USP3: variants seen among roughly 807,000 people sequenced by gnomAD.
The protein encoded by USP3 is ubiquitin carboxyl-terminal hydrolase 3.
Under a neutral mutation model 72.3 loss-of-function variants are expected in USP3, and 20 were observed. The observed-to-expected ratio is 0.28, with a 90% CI of 0.19 to 0.40. USP3 has a LOEUF of 0.40. USP3 is among the 10% of genes least tolerant of loss of function. The probability of loss-of-function intolerance (pLI) is 1.00; values close to 1 mark genes in which losing one functional copy is unlikely to be tolerated. For missense variants in USP3, 479 were observed against 633.9 expected (o/e 0.76, Z 2.62); for synonymous variants, 222 against 225.3 (o/e 0.99, Z 0.13).
intron 4 of USP3, among the ~76,000 whole-genome samples, chr15:63,555,653 C>T (rs928585880): frequency 5.9e-5 from 9 of 152,136 alleles, no homozygotes; most frequent in African/African-American, 2.2e-4. Flanking sequence ...TCATAAAGAG[C>T]ATATATACTA....
chr15:63,574,411 T>G lies in USP3; in HGVS notation c.1096+8T>G. 1 of 1,593,382 alleles carries G rather than the reference T, an allele frequency of 6.3e-7. No individual in the cohort carries two copies. The highest frequency in any genetic ancestry group is 8.5e-7 in the Non-Finnish European group (1 of 1,172,906). On this transcript the variant is annotated splice_region_variant and intron_variant, in intron 11 of 14. Transcript: ENST00000380324. This position sits in a 1 kb window ranked among gnomAD's most constrained non-coding sequence, Gnocchi z 4.6. Reference sequence around the variant, plus strand: ...CAGTTTGTTCGTTACGAGGTAAAGATACTTGAATGTTCTAAAAATTTTTTT... The same window carrying G: ...CAGTTTGTTCGTTACGAGGTAAAGAGACTTGAATGTTCTAAAAATTTTTTT...
At chr15:63,511,462 T>G (rs2065781434) in intron 1 of USP3, among the ~76,000 whole-genome samples, 2 of 152,116 alleles carry the variant, frequency 1.3e-5, no homozygotes, top group Non-Finnish European at 2.9e-5. Context: ...CCTCACCCAA[T>G]TTAATATTGA....
chr15:63,551,010 A>G (rs1412946632), intron 3 of USP3, among the ~76,000 whole-genome samples: 4 of 152,130 alleles, frequency 2.6e-5, no homozygotes, highest in African/African-American at 9.7e-5. Flanking sequence ...ATAAAGAAAA[A>G]AATAATCCAA....
chr15:63,553,446 A>G lies in USP3; in HGVS notation c.285-269A>G, dbSNP rs781095035. The G allele has an allele frequency of 3.7e-6, 1 of 273,228 alleles. No homozygotes were observed. Among genetic ancestry groups the G allele is most frequent in the African/African-American group, 2.2e-5 (1 of 45,102 alleles). The allele number at this position is 273,228 out of a possible 1,614,324, so 16.9% of individuals were successfully genotyped here. On this transcript the variant is annotated intron_variant, in intron 3 of 14. Coordinates refer to ENST00000380324, the MANE Select transcript of USP3 (RefSeq NM_006537.4). The surrounding 1 kb of genome is among the most constrained non-coding windows in gnomAD (Gnocchi z 4.2). ...CCACTAAAAAGAATGTAACACATGTAGCAGCTTATTTCATTTTCAAAGGAG... is the reference window on the plus strand; with the variant it reads ...CCACTAAAAAGAATGTAACACATGTGGCAGCTTATTTCATTTTCAAAGGAG...
intron 3 of USP3, among the ~76,000 whole-genome samples, chr15:63,547,898 C>CATAGAGAGAGGT (rs2066374618): frequency 1.5e-5 from 1 of 65,012 alleles, no homozygotes; most frequent in African/African-American, 5.8e-5. Context: ...GAGAGAGAGG[C>CATAGAGAGAGGT]ATAGAGAGAG....
In USP3 at chr15:63,534,859, A is replaced by G. The variant is rs140777117; in HGVS notation, c.152+2152A>G. Among the ~76,000 whole-genome samples the G allele has an allele frequency of 1.7e-3, 257 of 152,302 alleles. 3 individuals are homozygous for G. In the East Asian group the frequency reaches 0.022, roughly 13 times the overall value. ...TATTATAAATATATATGATAAGAAT[A>G]GGTGATTAAGATTAAGTATTGAACC... is the stretch of plus-strand genomic sequence containing the variant. On this transcript the variant is annotated intron_variant, in intron 2 of 14. Transcript: ENST00000380324.
intron 3 of USP3, 27 bp downstream of exon 3, chr15:63,537,183 A>T: frequency 6.2e-7 from 1 of 1,606,934 alleles, no homozygotes; most frequent in East Asian, 2.2e-5. Context: ...TGGAAATGAG[A>T]TTTCTTACTG....
In USP3 at chr15:63,593,301, A is replaced by G. The variant is rs2067237234; in HGVS notation, c.*2475A>G. 6.6e-6 allele frequency: 1 copy of G among 152,180 alleles called. No individual in the cohort carries two copies. Among genetic ancestry groups the G allele is most frequent in the African/African-American group, 2.4e-5 (1 of 41,442 alleles). The allele number at this position is 152,180 out of a possible 1,614,324, so 9.4% of individuals were successfully genotyped here. On this transcript the variant is annotated 3_prime_UTR_variant, in exon 15 of 15. Coordinates refer to ENST00000380324, the MANE Select transcript of USP3 (RefSeq NM_006537.4). ...ACACATTAACATCACATCTAATTCA[A>G]CCTGAAATGTGAGTCTCCTTTGATC...
At chr15:63,536,885 A>T in intron 2 of USP3, 140 bp from the exon 3 acceptor site, 3 of 897,052 alleles carry the variant, frequency 3.3e-6, no homozygotes, top group Non-Finnish European at 4.9e-6. Context: ...TTAAGTATTC[A>T]GTATAATAAA....
At chr15:63,584,102 T>A (rs895696674) in intron 11 of USP3, among the ~76,000 whole-genome samples, 1 of 144,348 alleles carries the variant, frequency 6.9e-6, no homozygotes, top group African/African-American at 2.6e-5. Flanking sequence ...GTTTTTTTTT[T>A]TTTTTTTTTT....
At chr15:63,524,744 C>G (rs1348391236) in intron 1 of USP3, among the ~76,000 whole-genome samples, 1 of 152,162 alleles carries the variant, frequency 6.6e-6, no homozygotes, top group Non-Finnish European at 1.5e-5. Context: ...GGTAATTAGA[C>G]TTCTTACATG....
At chr15:63,556,528 G>A in intron 4 of USP3, 139 bp from the exon 5 acceptor site, 3 of 542,820 alleles carry the variant, frequency 5.5e-6, no homozygotes, top group South Asian at 6.0e-5. Flanking sequence ...AAATACGTGT[G>A]GGCCCCAGTA....
intron 1 of USP3, among the ~76,000 whole-genome samples, chr15:63,507,189 A>T (rs1374037111): frequency 6.6e-6 from 1 of 152,126 alleles, no homozygotes. Context: ...GTTCTTATTA[A>T]GGAGGGGAAA....
intron 3 of USP3, among the ~76,000 whole-genome samples, chr15:63,548,572 C>A (rs1042080659): frequency 6.6e-6 from 1 of 152,156 alleles, no homozygotes; most frequent in African/African-American, 2.4e-5. Context: ...AGGTGATCCA[C>A]CCACCTTGGC....
intron 4 of USP3, among the ~76,000 whole-genome samples, chr15:63,554,882 T>A (rs2066486213): frequency 6.6e-6 from 1 of 152,228 alleles, no homozygotes; most frequent in Admixed American, 6.5e-5. Context: ...CTCTTCTAAT[T>A]TGATGAGTCC....
chr15:63,571,135 T>C (rs556094631), intron 9 of USP3, among the ~76,000 whole-genome samples: 1 of 152,308 alleles, frequency 6.6e-6, no homozygotes, highest in East Asian at 1.9e-4. Context: ...AAGTATACAC[T>C]GAGATCAGGA....
At position 63,581,885 on chromosome 15, in the gene USP3, C is replaced by T. The variant is rs556779645; in HGVS notation, c.1097-6420C>T. On this transcript the variant is annotated intron_variant, in intron 11 of 14. Transcript: ENST00000380324. ...TTTTTTGTAGACACAGGGTTTCACC[C>T]TTTTGCCCAGGCTGGTCTTGAATTC... 1.6e-4 allele frequency among the ~76,000 whole-genome samples: 24 copies of T among 150,622 alleles called. No homozygotes were observed. In the South Asian group the frequency reaches 2.7e-3, roughly 17 times the overall value.
At chr15:63,589,561 T>C (rs1015884732) in intron 14 of USP3, among the ~76,000 whole-genome samples, 1 of 152,196 alleles carries the variant, frequency 6.6e-6, no homozygotes, top group African/African-American at 2.4e-5. Flanking sequence ...ACTCACATAG[T>C]GTTATGAATG....
rs536567932 is a variant in USP3, at chr15:63,547,665, G to C, written c.285-6050G>C. Among the ~76,000 whole-genome samples the C allele has an allele frequency of 2.0e-5, 3 of 151,520 alleles. No homozygotes were observed. In the East Asian group the frequency reaches 5.9e-4, roughly 30 times the overall value. Reference sequence around the variant, plus strand: ...GGATCGCTTGAGTCCAGGAGGTCAAGGCTGCAGTGAGCTGTGATCTGTGAT... The same window carrying C: ...GGATCGCTTGAGTCCAGGAGGTCAACGCTGCAGTGAGCTGTGATCTGTGAT... On this transcript the variant is annotated intron_variant, in intron 3 of 14. Transcript: ENST00000380324.
Sources: allele counts gnomAD v4.1 joint callset (sites outside exome capture counted in the v4.1 genomes callset), GRCh38; gene constraint gnomAD v4.1.1; non-coding constraint Gnocchi (gnomAD v3.1); transcripts MANE v1.5; gene names NCBI Gene and HGNC (gene_info 2026-07-23, HGNC 2026-07-21).